The following INSL6 variants were observed in gnomAD, a reference collection of about 807,000 sequenced individuals.
INSL6 encodes insulin like 6, also known as insulin-like peptide INSL6.
In INSL6, 16 loss-of-function variants were observed where a neutral mutation model predicts 9.4. The observed-to-expected ratio is 1.70, with a 90% CI of 1.15 to 2.59. INSL6 has a LOEUF of 2.59. Ranked by LOEUF, INSL6 falls within the 30% of genes most tolerant of loss-of-function variation. The pLI is 0.00. For synonymous variants in INSL6, 154 were observed against 96.9 expected, an observed-to-expected ratio of 1.59 and a Z score of -3.46; for missense variants, 391 against 257.3, an observed-to-expected ratio of 1.52 and a Z score of -3.56.
At chr9:5,080,963 T>G in the INSL6 span, among the ~76,000 whole-genome samples, 2 of 144,926 alleles carry the variant, frequency 1.4e-5, no homozygotes, top group Non-Finnish European at 3.0e-5. Flanking sequence ...TGGCGCGATC[T>G]CGGCTCACTG....
chr9:5,115,038 G>C, the INSL6 span, among the ~76,000 whole-genome samples: 1 of 152,086 alleles, frequency 6.6e-6, no homozygotes, highest in Non-Finnish European at 1.5e-5. Context: ...AACACCAAAA[G>C]CAATGGCAAC....
chr9:4,999,271 C>G, the INSL6 span, among the ~76,000 whole-genome samples: 52 of 152,208 alleles, frequency 3.4e-4, no homozygotes, highest in African/African-American at 1.3e-3. Context: ...TAGTATTCAT[C>G]TTAGATTTCT....
chr9:5,096,205 C>T, the INSL6 span, among the ~76,000 whole-genome samples: 14 of 152,162 alleles, frequency 9.2e-5, no homozygotes, highest in Non-Finnish European at 2.1e-4. Context: ...ACTCCTCCCT[C>T]CACTTATTTC....
At chr9:5,140,312 C>A (rs889721115) in intron 2 of INSL6, among the ~76,000 whole-genome samples, 21 of 151,996 alleles carry the variant, frequency 1.4e-4, no homozygotes, top group African/African-American at 5.1e-4. Flanking sequence ...AAAAAGCAGC[C>A]ACCATCCCTA....
the INSL6 span, among the ~76,000 whole-genome samples, chr9:5,038,883 T>A: frequency 2.0e-5 from 3 of 151,952 alleles, no homozygotes; most frequent in East Asian, 5.8e-4. Context: ...ATACACCACA[T>A]TAATAGAATA....
chr9:5,168,159 A>T (rs904627349), intron 1 of INSL6, among the ~76,000 whole-genome samples: 8 of 152,240 alleles, frequency 5.3e-5, no homozygotes, highest in Non-Finnish European at 1.2e-4. Context: ...AAAAAGCAAG[A>T]GTGCCTCTTC....
intron 1 of INSL6, among the ~76,000 whole-genome samples, chr9:5,172,957 A>G (rs1825216610): frequency 6.6e-6 from 1 of 152,174 alleles, no homozygotes; most frequent in Non-Finnish European, 1.5e-5. Flanking sequence ...TGGGCAAAGG[A>G]CATGAAAAGA....
chr9:5,041,230 G>A, the INSL6 span: 1 of 1,471,078 alleles, frequency 6.8e-7, no homozygotes, highest in Non-Finnish European at 9.4e-7. Context: ...GGCGCCCGGG[G>A]ACCAAGCGGC....
chr9:5,031,824 G>A, the INSL6 span, among the ~76,000 whole-genome samples: 1 of 152,228 alleles, frequency 6.6e-6, no homozygotes, highest in African/African-American at 2.4e-5. Context: ...ACAGCTCCCA[G>A]CATGGGCGAT....
the INSL6 span, chr9:5,111,851 A>C: frequency 2.5e-6 from 1 of 395,632 alleles, no homozygotes; most frequent in Non-Finnish European, 5.0e-6. Flanking sequence ...GGGGCCGACA[A>C]CCTCCTGGGC....
intron 3 of INSL6, chr9:5,132,992 G>A (rs144949391): frequency 6.6e-6 from 1 of 152,180 alleles, no homozygotes; most frequent in Non-Finnish European, 1.5e-5. Context: ...CAGAGGAAGG[G>A]TATGTTGGAC....
chr9:5,103,956 G>C, the INSL6 span, among the ~76,000 whole-genome samples: 28 of 152,236 alleles, frequency 1.8e-4, no homozygotes, highest in Admixed American at 9.8e-4. Flanking sequence ...ATGCCCACAA[G>C]AGAAAGCAGG....
At chr9:4,998,270 T>G in the INSL6 span, among the ~76,000 whole-genome samples, 1 of 152,146 alleles carries the variant, frequency 6.6e-6, no homozygotes, top group Non-Finnish European at 1.5e-5. Flanking sequence ...TTTGTTGTTG[T>G]TGTTGAGATG....
chr9:5,028,867 T>C, the INSL6 span, among the ~76,000 whole-genome samples: 1 of 152,380 alleles, frequency 6.6e-6, no homozygotes, highest in South Asian at 2.1e-4. Context: ...CTTGAGGGAA[T>C]ATTGTGGCTG....
At chr9:5,111,375 A>C in the INSL6 span, 197 of 401,826 alleles carry the variant, frequency 4.9e-4, no homozygotes, top group Non-Finnish European at 7.6e-4. Flanking sequence ...CTACGCCAGC[A>C]GCTCTGGCGG....
chr9:5,131,788 G>A (rs1824296564), intron 3 of INSL6, among the ~76,000 whole-genome samples: 1 of 152,168 alleles, frequency 6.6e-6, no homozygotes, highest in African/African-American at 2.4e-5. Flanking sequence ...GCCGTCATGT[G>A]CAGGCTGTAG....
intron 2 of INSL6, among the ~76,000 whole-genome samples, chr9:5,141,441 C>A (rs1824499942): frequency 6.6e-6 from 1 of 152,194 alleles, no homozygotes. Flanking sequence ...ATTTACGTTT[C>A]TCTAATGATC....
At chr9:5,107,762 A>G in the INSL6 span, among the ~76,000 whole-genome samples, 2 of 152,130 alleles carry the variant, frequency 1.3e-5, no homozygotes, top group Non-Finnish European at 1.5e-5. Context: ...AATATTTATC[A>G]TAATTACCCT....
At chr9:5,160,916 C>A (rs914761299), downstream of INSL6, among the ~76,000 whole-genome samples, 3 of 152,014 alleles carry the variant, frequency 2.0e-5, no homozygotes, top group African/African-American at 7.2e-5. Flanking sequence ...GTGAATAGAC[C>A]AGTAACATGT....
Sources: gnomAD v4.1 joint callset for allele counts (sites outside exome capture counted in the v4.1 genomes callset) on GRCh38, gnomAD v4.1.1 for gene constraint, MANE v1.5 for transcripts, NCBI Gene and HGNC (gene_info 2026-07-23, HGNC 2026-07-21) for gene names.